Variants in SLC25A26 observed in about 807,000 individuals in gnomAD.
The protein encoded by SLC25A26 is mitochondrial S-adenosylmethionine carrier protein.
SLC25A26 carries 36 observed loss-of-function variants against 37.8 expected under a neutral mutation model. That is an observed-to-expected ratio of 0.95 (90% confidence interval 0.73 to 1.26). The LOEUF (loss-of-function observed/expected upper bound fraction) is 1.26. Among genes scored for constraint, SLC25A26 ranks in the 50% most tolerant of loss-of-function variants. The probability of loss-of-function intolerance (pLI) is 0.00; values close to 1 mark genes in which losing one functional copy is unlikely to be tolerated. For synonymous variants in SLC25A26, 129 were observed against 122.5 expected (o/e 1.05, Z -0.35); for missense variants, 390 against 331.1 (o/e 1.18, Z -1.38).
intron 1 of SLC25A26, among the ~76,000 whole-genome samples, chr3:66,226,085 G>T (rs2071736100): frequency 6.6e-6 from 1 of 152,178 alleles, no homozygotes; most frequent in Non-Finnish European, 1.5e-5. Flanking sequence ...GCACCCTACT[G>T]TGGGTACCAA....
intron 1 of SLC25A26, among the ~76,000 whole-genome samples, chr3:66,175,109 G>GTATATATATATA (rs769631849): frequency 1.7e-3 from 170 of 97,148 alleles, no homozygotes; most frequent in Non-Finnish European, 2.6e-3. Context: ...ATGTGTGTGT[G>GTATATATATATA]TATATATATA....
chr3:66,302,217 C>A (rs904887589), intron 5 of SLC25A26, among the ~76,000 whole-genome samples: 1 of 152,206 alleles, frequency 6.6e-6, no homozygotes, highest in Non-Finnish European at 1.5e-5. Flanking sequence ...TTTGCTCTTA[C>A]AATCTCTAGA....
At chr3:66,225,185 A>G (rs1202928965) in intron 1 of SLC25A26, among the ~76,000 whole-genome samples, 1 of 152,040 alleles carries the variant, frequency 6.6e-6, no homozygotes, top group East Asian at 1.9e-4. Context: ...TCCCTTCCAC[A>G]CTGCCCCAGT....
At chr3:66,221,943 T>C (rs1275055859) in intron 1 of SLC25A26, among the ~76,000 whole-genome samples, 1 of 151,942 alleles carries the variant, frequency 6.6e-6, no homozygotes, top group Non-Finnish European at 1.5e-5. Flanking sequence ...ATTTTGGTGT[T>C]GCAGGTGTTG....
At chr3:66,346,453 AT>A in intron 6 of SLC25A26, 45 bp downstream of exon 6, 1 of 1,061,584 alleles carries the variant, frequency 9.4e-7, no homozygotes, top group South Asian at 1.7e-5. Context: ...TAATTATAAC[AT>A]ACCTAATAGT....
At chr3:66,240,982 C>G (rs563760111) in intron 2 of SLC25A26, among the ~76,000 whole-genome samples, 2 of 151,862 alleles carry the variant, frequency 1.3e-5, no homozygotes, top group African/African-American at 4.8e-5. Context: ...CTCCTGACCT[C>G]GTGATCCACC....
intron 3 of SLC25A26, among the ~76,000 whole-genome samples, chr3:66,254,278 G>A (rs1032843306): frequency 1.3e-5 from 2 of 152,134 alleles, no homozygotes; most frequent in Non-Finnish European, 2.9e-5. Flanking sequence ...TTTAAATGAT[G>A]GTATAGAAAG....
At chr3:66,338,869 G>T (rs890319830) in intron 5 of SLC25A26, among the ~76,000 whole-genome samples, 32 of 151,948 alleles carry the variant, frequency 2.1e-4, no homozygotes, top group African/African-American at 7.7e-4. Context: ...CTGGCATGGT[G>T]TTTTCAGAGT....
Position 66,176,332 on chromosome 3 carries a change from T to A in SLC25A26, c.-354+42348T>A, listed in dbSNP as rs182867471. On this transcript the variant is annotated intron_variant, in intron 1 of 10. Transcript: ENST00000676754. The stretch of plus-strand genomic sequence containing the variant: ...AAAGTGTTGAGATGTTATATAAGCA[T>A]AAAGAACTAGGAATGATGAACGCTC... 3.6e-3 allele frequency among the ~76,000 whole-genome samples: 550 copies of A among 152,284 alleles called. 2 individuals carry two copies. Among genetic ancestry groups the A allele is most frequent in the Non-Finnish European group, 5.5e-3 (373 of 68,028 alleles).
At chr3:66,276,096 G>A (rs949338446) in intron 5 of SLC25A26, among the ~76,000 whole-genome samples, 1 of 152,054 alleles carries the variant, frequency 6.6e-6, no homozygotes, top group African/African-American at 2.4e-5. Context: ...GTTTATCTGT[G>A]GGTTCGACTA....
At chr3:66,208,045 TTTATATAG>T (rs2071203414) in intron 1 of SLC25A26, among the ~76,000 whole-genome samples, 1 of 152,216 alleles carries the variant, frequency 6.6e-6, no homozygotes, top group African/African-American at 2.4e-5. Flanking sequence ...GGAAAAAGAC[TTTATATAG>T]TTAAATTGCT....
At position 66,236,674 on chromosome 3, in the gene SLC25A26, C is replaced by T; in HGVS notation, c.164C>T (p.Ser55Phe). The T allele has an allele frequency of 2.0e-6, 3 of 1,524,302 alleles. No homozygotes were observed. The highest frequency in any genetic ancestry group is 2.6e-6 in the Non-Finnish European group (3 of 1,137,900). 94.4% of individuals were successfully genotyped at this position (1,524,302 alleles called of 1,614,324 possible). The part of the protein sequence containing the change: ...GFHGIYAGVP[S>F]AAIGSFPNAA... The stretch of plus-strand genomic sequence containing the variant: ...CATGGAATATATGCTGGCGTTCCTT[C>T]TGCTGCTATTGGATCCTTTCCTAAT... The change falls in exon 2 of 10, where the codon TCT (serine) becomes TTT (phenylalanine). Residue 55 changes from serine (S) to phenylalanine (F), a missense_variant. Ser to Phe is a radical substitution (Grantham distance 155). Transcript: ENST00000354883.
intron 1 of SLC25A26, among the ~76,000 whole-genome samples, chr3:66,169,157 C>A (rs1035065825): frequency 3.9e-5 from 6 of 152,138 alleles, no homozygotes; most frequent in African/African-American, 1.4e-4. Flanking sequence ...TCTTTCTTGA[C>A]ATCTTTTGGC....
In SLC25A26 at chr3:66,262,089, G is replaced by A; in HGVS notation, c.339G>A (p.Lys113=). ...TTCGAGTTCCATCTGAAGTGGTTAA[G>A]CAGAGGGCACAGGTATCTGCTTCTA... The part of the protein sequence containing the change: ...CLIRVPSEVV[K]QRAQVSASTR... Residue 113 remains lysine (K), a synonymous_variant, in exon 4 of 10, where the codon AAG becomes AAA. Coordinates refer to ENST00000354883, the MANE Select transcript of SLC25A26 (RefSeq NM_001379210.1). 1 of 1,591,234 alleles carries A rather than the reference G, an allele frequency of 6.3e-7. No individual in the cohort carries two copies. Among genetic ancestry groups the A allele is most frequent in the Non-Finnish European group, 8.6e-7 (1 of 1,167,754 alleles).
At chr3:66,193,318 C>T (rs1042038560) in intron 1 of SLC25A26, among the ~76,000 whole-genome samples, 8 of 152,110 alleles carry the variant, frequency 5.3e-5, no homozygotes, top group Non-Finnish European at 1.0e-4. Flanking sequence ...CATGAGGTGA[C>T]TTATTTTATG....
chr3:66,154,526 C>T (rs1427726902), intron 1 of SLC25A26, among the ~76,000 whole-genome samples: 9 of 146,684 alleles, frequency 6.1e-5, no homozygotes, highest in Non-Finnish European at 1.0e-4. Context: ...TGTCCAACCT[C>T]GTTTTCTTTT....
At chr3:66,214,032 G>T (rs2071324048) in intron 1 of SLC25A26, among the ~76,000 whole-genome samples, 1 of 152,148 alleles carries the variant, frequency 6.6e-6, no homozygotes, top group Non-Finnish European at 1.5e-5. Flanking sequence ...AAATGTCAGA[G>T]TTTACGGTTT....
intron 3 of SLC25A26, among the ~76,000 whole-genome samples, chr3:66,252,300 T>G (rs1238361507): frequency 6.6e-6 from 1 of 152,238 alleles, no homozygotes; most frequent in Non-Finnish European, 1.5e-5. Context: ...GTATAGCTAA[T>G]ACTATTAATA....
At chr3:66,375,673 G>C (rs1367269806) in intron 9 of SLC25A26, among the ~76,000 whole-genome samples, 2 of 152,162 alleles carry the variant, frequency 1.3e-5, no homozygotes, top group African/African-American at 4.8e-5. Context: ...TAAGCCCACT[G>C]CTGGGACCTA....
Sources: allele counts gnomAD v4.1 joint callset (sites outside exome capture counted in the v4.1 genomes callset), GRCh38; gene constraint gnomAD v4.1.1; transcripts MANE v1.5; gene names NCBI Gene and HGNC (gene_info 2026-07-23, HGNC 2026-07-21).